CCP110: variants seen among roughly 807,000 people sequenced by gnomAD.
CCP110 encodes the protein centriolar coiled-coil protein 110.
A neutral mutation model predicts 105.5 loss-of-function variants in CCP110; 43 were observed. That is an observed-to-expected ratio of 0.41 (90% CI 0.32 to 0.53). CCP110 has a LOEUF of 0.53. Among genes scored for constraint, CCP110 ranks in the 20% least tolerant of loss-of-function variants. The pLI is 0.32. For missense variants in CCP110, 1,016 were observed against 1,189.1 expected, an observed-to-expected ratio of 0.85 and a Z score of 2.14; for synonymous variants, 353 against 392.1, an observed-to-expected ratio of 0.90 and a Z score of 1.18.
intron 12 of CCP110, chr16:19,547,579 C>G (rs960926541): frequency 6.1e-6 from 1 of 162,936 alleles, no homozygotes; most frequent in African/African-American, 2.4e-5. Context: ...AGCTAAAAAG[C>G]GAACTTTAAT....
chr16:19,542,526 G>T, intron 6 of CCP110, 95 bp from the exon 7 acceptor site: 1 of 925,178 alleles, frequency 1.1e-6, no homozygotes, highest in Non-Finnish European at 1.6e-6. Context: ...GGAGGCAGTT[G>T]TTATTCTTAA....
At chr16:19,535,297 A>G (rs979728565) in intron 3 of CCP110, among the ~76,000 whole-genome samples, 1 of 152,110 alleles carries the variant, frequency 6.6e-6, no homozygotes, top group Non-Finnish European at 1.5e-5. Flanking sequence ...ATTCTTTTGC[A>G]AAGTTGGATT....
chr16:19,533,319 C>T (rs904708491), intron 3 of CCP110, among the ~76,000 whole-genome samples: 2 of 152,010 alleles, frequency 1.3e-5, no homozygotes, highest in Admixed American at 1.3e-4. Context: ...AAGTCTCAAT[C>T]GATTTAGAGG....
In CCP110 at chr16:19,548,622, G is replaced by A; in HGVS notation, c.2986+22G>A. ...TCAGGTTTGTAGAAAATAAATTCCT[G>A]AAGCCCATTCAATAGAAGGAAGTGC... On this transcript the variant is annotated intron_variant, in intron 14 of 14. Transcript: ENST00000381396. This position sits in a 1 kb window ranked among gnomAD's most constrained non-coding sequence, Gnocchi z 4.1. The A allele has an allele frequency of 6.8e-7, 1 of 1,465,904 alleles. No individual in the cohort carries two copies. The highest frequency in any genetic ancestry group is 1.2e-5 in the South Asian group (1 of 81,322). The allele number at this position is 1,465,904 out of a possible 1,614,324, so 90.8% of individuals were successfully genotyped here.
exon 12 of CCP110, chr16:19,546,461 C>A: frequency 1.3e-6 from 2 of 1,583,310 alleles, no homozygotes; most frequent in Middle Eastern, 1.7e-4. Context: ...TAAACAAAAT[C>A]CTTCTGAAAC....
intron 2 of CCP110, among the ~76,000 whole-genome samples, chr16:19,531,672 A>C (rs902365594): frequency 1.3e-5 from 2 of 152,246 alleles, no homozygotes; most frequent in Non-Finnish European, 2.9e-5. Flanking sequence ...CAGTGAAATA[A>C]GATACTGAAG....
At position 19,536,673 on chromosome 16, in the gene CCP110, T is replaced by C. The variant is rs565649558; in HGVS notation, c.1004T>C (p.Leu335Pro). The stretch of plus-strand genomic sequence containing the variant: ...ATACGAACTGGCCATCCCACTGTTC[T>C]AGAGTCTAATTCTGATTTTAAAGTT... The change falls in exon 4 of 15, where the codon CTA (leucine) becomes CCA (proline). Residue 335 changes from leucine to proline, a missense_variant. Leu to Pro is a moderately conservative substitution (Grantham distance 98). Transcript: ENST00000381396. 13 of 1,614,206 alleles carry C rather than the reference T, an allele frequency of 8.1e-6. No homozygotes were observed. In the East Asian group the frequency reaches 8.9e-5, roughly 11 times the overall value.
intron 3 of CCP110, among the ~76,000 whole-genome samples, chr16:19,534,781 C>G (rs1318113142): frequency 6.7e-6 from 1 of 148,922 alleles, no homozygotes; most frequent in Non-Finnish European, 1.5e-5. Context: ...CATTACCTGT[C>G]TTGGGATTTG....
At chr16:19,527,999 G>A (rs1322972178) in exon 2 of CCP110, 1 of 1,612,390 alleles carries the variant, frequency 6.2e-7, no homozygotes, top group Admixed American at 1.7e-5. Flanking sequence ...TCGCTTTCAT[G>A]GAGTGGCTAT....
At chr16:19,524,872 T>G (rs1298414520) in intron 1 of CCP110, 1 of 152,212 alleles carries the variant, frequency 6.6e-6, no homozygotes, top group African/African-American at 2.4e-5. Context: ...ATTATCCTCT[T>G]AATAAGAAAA....
At chr16:19,547,511 A>G (rs4238674) in intron 12 of CCP110, 21,099 of 155,418 alleles carry the variant, frequency 0.14, 2,042 homozygotes, top group East Asian at 0.39. Context: ...CAGAAATTCA[A>G]ACCAGTATGG....
chr16:19,531,190 G>GA (rs1969854562), intron 2 of CCP110, among the ~76,000 whole-genome samples: 1 of 152,190 alleles, frequency 6.6e-6, no homozygotes, highest in Non-Finnish European at 1.5e-5. Context: ...CACATTGCTT[G>GA]ATTTAATGTG....
In CCP110 at chr16:19,536,778, G is replaced by A. The variant is rs773742124; in HGVS notation, c.1109G>A (p.Ser370Asn). 5 of 1,614,120 alleles carry A rather than the reference G, an allele frequency of 3.1e-6. No individual in the cohort carries two copies. In the South Asian group the frequency reaches 4.4e-5, roughly 14 times the overall value. The change falls in exon 4 of 15, where the codon AGT becomes AAT. Residue 370 changes from serine (S) to asparagine (N), a missense_variant. Transcript: ENST00000381396. ...GCCAAATTACCTAGTCCAGAGCCAAGTATGAGTCCTAAAATGCACCGAAGA... is the reference window on the plus strand; with the variant it reads ...GCCAAATTACCTAGTCCAGAGCCAAATATGAGTCCTAAAATGCACCGAAGA...
intron 5 of CCP110, among the ~76,000 whole-genome samples, 181 bp from the exon 6 acceptor site, chr16:19,541,706 A>G (rs1396852119): frequency 6.6e-6 from 1 of 150,960 alleles, no homozygotes; most frequent in African/African-American, 2.4e-5. Context: ...AAAGAAAAGA[A>G]AAGAGGGAGG....
rs776959232 is a variant in CCP110 at position 19,530,462 on chromosome 16, ATGACGAAACCCCGTC to A, written c.142-1952_142-1938del. 5.6e-4 allele frequency among the ~76,000 whole-genome samples: 85 copies of A among 151,786 alleles called. 3 individuals carry two copies. The highest frequency in any genetic ancestry group is 2.2e-4 in the Non-Finnish European group (15 of 67,950). ...GGAGGCTGAGACCAGCCTGGCCAACATGACGAAACCCCGTCTCTACTAAAAATACAAAAATTAGCT... is the reference window on the plus strand; with the variant it reads ...GGAGGCTGAGACCAGCCTGGCCAACATCTACTAAAAATACAAAAATTAGCT... On this transcript the variant is annotated intron_variant, in intron 2 of 14. Coordinates refer to ENST00000381396, the Ensembl canonical transcript of CCP110.
At chr16:19,546,179 C>G (rs552361849) in intron 11 of CCP110, 1 of 511,780 alleles carries the variant, frequency 2.0e-6, no homozygotes, top group African/African-American at 2.0e-5. Flanking sequence ...TATTCCTTTT[C>G]TGATGTCCTA....
exon 15 of CCP110, chr16:19,552,446 G>C (rs965599751): frequency 6.6e-6 from 1 of 150,528 alleles, no homozygotes; most frequent in Non-Finnish European, 1.5e-5. Context: ...CGAATTGCTT[G>C]AACCTGGGAG....
chr16:19,537,430 A>T (rs1970112699), exon 4 of CCP110: 1 of 1,613,616 alleles, frequency 6.2e-7, no homozygotes, highest in Non-Finnish European at 8.5e-7. Context: ...TTAAACGGAG[A>T]CTTGATTTAG....
intron 2 of CCP110, among the ~76,000 whole-genome samples, chr16:19,528,580 AG>A (rs1969755211): frequency 6.6e-6 from 1 of 152,166 alleles, no homozygotes; most frequent in Admixed American, 6.5e-5. Context: ...TGTCAGGGGC[AG>A]TATAGAGTCA....
Sources: gnomAD v4.1 joint callset for allele counts (sites outside exome capture counted in the v4.1 genomes callset) on GRCh38, gnomAD v4.1.1 for gene constraint, Gnocchi (gnomAD v3.1) non-coding constraint, MANE v1.5 for transcripts, NCBI Gene and HGNC (gene_info 2026-07-23, HGNC 2026-07-21) for gene names.